Variants in MAP4K3 observed in about 807,000 individuals in gnomAD.
MAP4K3 encodes mitogen-activated protein kinase kinase kinase kinase 3, also known as MAPK/ERK kinase kinase kinase 3.
A neutral mutation model predicts 143.5 loss-of-function variants in MAP4K3; 94 were observed. The ratio of observed to expected loss-of-function variants is 0.65; its 90% confidence interval spans 0.55 to 0.78. The LOEUF (loss-of-function observed/expected upper bound fraction) is 0.78. Ranked by LOEUF, MAP4K3 falls within the 30% of genes least tolerant of loss-of-function variation. MAP4K3 has a pLI of 0.00. For synonymous variants in MAP4K3, 416 were observed against 347.2 expected (o/e 1.20, Z -2.20); for missense variants, 1,077 against 1,068.1 (o/e 1.01, Z -0.12).
chr2:39,436,933 T>A lies in MAP4K3; in HGVS notation c.55A>T (p.Ile19Phe), dbSNP rs754578287. The change falls in exon 1 of 34, where the codon ATT (isoleucine) becomes TTT (phenylalanine). Residue 19 changes from isoleucine to phenylalanine, a missense_variant. Physicochemically the swap from Ile to Phe is conservative, Grantham distance 21. Coordinates refer to ENST00000263881, the MANE Select transcript of MAP4K3 (RefSeq NM_003618.4). ...TAGGTGCCGCTGCCGATGCGCTGAA[T>A]CAGCTCGAAGTCCTCCTGCGGGTTC... Reference protein sequence around the residue: ...RRNPQEDFELIQRIGSGTYGD... With the variant: ...RRNPQEDFELFQRIGSGTYGD... 3.1e-6 allele frequency: 5 copies of A among 1,612,754 alleles called. No homozygotes were observed. Among genetic ancestry groups the A allele is most frequent in the Non-Finnish European group, 4.2e-6 (5 of 1,179,424 alleles).
chr2:39,280,461 T>G (rs1241183947), intron 22 of MAP4K3, 105 bp from the exon 23 acceptor site: 1 of 481,356 alleles, frequency 2.1e-6, no homozygotes, highest in Non-Finnish European at 3.6e-6. Context: ...ATAGATAGTA[T>G]ACTGAAATTA....
intron 1 of MAP4K3, among the ~76,000 whole-genome samples, chr2:39,387,581 T>C (rs149636081): frequency 2.6e-5 from 4 of 152,350 alleles, no homozygotes; most frequent in African/African-American, 9.6e-5. Context: ...TGTGAAACCA[T>C]GCTATGTGCC....
intron 2 of MAP4K3, among the ~76,000 whole-genome samples, chr2:39,367,668 G>A (rs1283438613): frequency 6.6e-6 from 1 of 152,034 alleles, no homozygotes; most frequent in African/African-American, 2.4e-5. Flanking sequence ...ATATTTGGGG[G>A]ACTGAGGTGA....
chr2:39,421,448 C>T (rs571243107), intron 1 of MAP4K3, among the ~76,000 whole-genome samples: 13 of 141,516 alleles, frequency 9.2e-5, no homozygotes, highest in African/African-American at 2.9e-4. Flanking sequence ...TGGTTTCAAG[C>T]GATCCACCCA....
chr2:39,408,408 G>C (rs1455863669), intron 1 of MAP4K3, among the ~76,000 whole-genome samples: 6 of 152,146 alleles, frequency 3.9e-5, no homozygotes, highest in African/African-American at 7.2e-5. Context: ...CGATACTCTA[G>C]GGAAGGGACT....
intron 1 of MAP4K3, among the ~76,000 whole-genome samples, chr2:39,380,859 G>C (rs1666339180): frequency 6.6e-6 from 1 of 152,092 alleles, no homozygotes; most frequent in East Asian, 1.9e-4. Context: ...CCCTTTCATG[G>C]TGTATGATTC....
intron 3 of MAP4K3, among the ~76,000 whole-genome samples, chr2:39,348,386 T>G (rs1363797570): frequency 2.6e-5 from 4 of 152,152 alleles, no homozygotes; most frequent in Non-Finnish European, 5.9e-5. Context: ...CTTTTTAAGA[T>G]GCCTAAAATA....
At chr2:39,418,814 C>T (rs1667465896) in intron 1 of MAP4K3, among the ~76,000 whole-genome samples, 1 of 151,830 alleles carries the variant, frequency 6.6e-6, no homozygotes, top group South Asian at 2.1e-4. Flanking sequence ...GTTATCAAAA[C>T]GTCTGTGAAG....
At position 39,325,805 on chromosome 2, in the gene MAP4K3, A is replaced by G; in HGVS notation, c.732T>C (p.Asn244=). The G allele has an allele frequency of 6.2e-7, 1 of 1,603,762 alleles. No homozygotes were observed. The change falls in exon 11 of 34, where the codon AAT becomes AAC. Residue 244 remains asparagine (N), a synonymous_variant. Transcript: ENST00000263881. ...CCATTTTCACAAAGTGATGAAAACT[A>G]TTTGACCTAAGAAATTTAGAAAATT... The part of the protein sequence containing the change: ...PKLKDKMKWS[N]SFHHFVKMAL...
chr2:39,326,153 G>T lies in MAP4K3; in HGVS notation c.655C>A (p.Pro219Thr). The T allele has an allele frequency of 1.2e-6, 2 of 1,613,242 alleles. No individual in the cohort carries two copies. Among genetic ancestry groups the T allele is most frequent in the Non-Finnish European group, 1.7e-6 (2 of 1,179,676 alleles). The change falls in exon 9 of 34, where the codon CCA becomes ACA. Residue 219 changes from proline (P) to threonine (T), a missense_variant. Pro to Thr is a conservative substitution (Grantham distance 38). Around this residue, in one of 2 missense-constraint regions of MAP4K3, gnomAD observed 864 missense variants for 801.2 expected, o/e 1.08. Transcript: ENST00000263881. ...CAATGATGATGCACTGACCTCATTG[G>T]GTGTAAGTCAAACATAGGAGGCTGA... The part of the protein sequence containing the change: ...ELQPPMFDLH[P>T]MRALFLMTKS...
chr2:39,281,082 G>C (rs1681505727), intron 22 of MAP4K3, among the ~76,000 whole-genome samples: 1 of 152,106 alleles, frequency 6.6e-6, no homozygotes, highest in Non-Finnish European at 1.5e-5. Context: ...CAAGGTACAA[G>C]AATGTTGACT....
intron 5 of MAP4K3, among the ~76,000 whole-genome samples, chr2:39,337,208 T>C (rs1463125340): frequency 2.0e-5 from 3 of 152,152 alleles, no homozygotes; most frequent in Non-Finnish European, 4.4e-5. Context: ...AAAAAGTATA[T>C]ACCTAATTAG....
chr2:39,365,937 A>T (rs2178761), intron 2 of MAP4K3, among the ~76,000 whole-genome samples: 2,431 of 152,316 alleles, frequency 0.016, 38 homozygotes, highest in Middle Eastern at 0.041. Flanking sequence ...GTCAATTTCA[A>T]ATTAACTTTT....
rs1384054324 is a variant in MAP4K3, at chr2:39,318,798, T to G, written c.919-3410A>C. ...TATCATCTTAAAGTTCTATGATTATTGTTATCATCAAATAATATAAATACA... is the reference window on the plus strand; with the variant it reads ...TATCATCTTAAAGTTCTATGATTATGGTTATCATCAAATAATATAAATACA... On this transcript the variant is annotated intron_variant, in intron 12 of 33. Transcript: ENST00000263881. Among the ~76,000 whole-genome samples, 4 of 152,328 alleles carry G rather than the reference T, an allele frequency of 2.6e-5. No homozygotes were observed. The South Asian group carries it at 8.3e-4, about 32-fold the overall frequency.
intron 15 of MAP4K3, among the ~76,000 whole-genome samples, chr2:39,305,417 A>G (rs188666789): frequency 1.2e-3 from 186 of 152,322 alleles, no homozygotes; most frequent in African/African-American, 4.3e-3. Context: ...TCTTAGCTAA[A>G]GACTAACGAA....
intron 32 of MAP4K3, among the ~76,000 whole-genome samples, chr2:39,253,290 C>A (rs187910890): frequency 6.6e-6 from 1 of 152,146 alleles, no homozygotes; most frequent in Non-Finnish European, 1.5e-5. Context: ...CGCGCCACCA[C>A]GCCTGGCTAA....
intron 13 of MAP4K3, among the ~76,000 whole-genome samples, chr2:39,311,021 C>T (rs1682920415): frequency 6.6e-6 from 1 of 152,146 alleles, no homozygotes; most frequent in Non-Finnish European, 1.5e-5. Flanking sequence ...TATGTGTGTA[C>T]AATCAAGTTC....
intron 2 of MAP4K3, among the ~76,000 whole-genome samples, chr2:39,365,696 G>A (rs528297994): frequency 5.3e-5 from 8 of 150,934 alleles, no homozygotes; most frequent in African/African-American, 1.7e-4. Context: ...CACCCGCCTC[G>A]GCCTCCCAAA....
chr2:39,280,300 T>A lies in MAP4K3; in HGVS notation c.1686A>T (p.Ala562=). ...TTGTATCTGGGTTTATCCATGATGA[T>A]GCACAGTGAATTTTCAAGGGACACC... ...FNGCPLKIHC[A]SSWINPDTRD... is the part of the protein sequence containing the mutation. The change falls in exon 23 of 34, where the codon GCA becomes GCT. Residue 562 remains alanine, a synonymous_variant. Coordinates refer to ENST00000263881, the MANE Select transcript of MAP4K3 (RefSeq NM_003618.4). The A allele has an allele frequency of 3.1e-6, 5 of 1,598,924 alleles. No individual in the cohort carries two copies. Among genetic ancestry groups the A allele is most frequent in the Non-Finnish European group, 4.3e-6 (5 of 1,170,834 alleles).
Sources: allele counts gnomAD v4.1 joint callset (sites outside exome capture counted in the v4.1 genomes callset), GRCh38; gene constraint gnomAD v4.1.1; regional missense constraint gnomAD v4.1.1; transcripts MANE v1.5; gene names NCBI Gene and HGNC (gene_info 2026-07-23, HGNC 2026-07-21).